FBLN1: variants seen among roughly 807,000 people sequenced by gnomAD.
FBLN1 encodes fibulin 1.
FBLN1 carries 34 observed loss-of-function variants against 89.7 expected under a neutral mutation model. The observed-to-expected ratio is 0.38, with a 90% confidence interval of 0.29 to 0.50. FBLN1 has a LOEUF of 0.50. Ranked by LOEUF, FBLN1 falls within the 20% of genes least tolerant of loss-of-function variation. FBLN1 has a pLI of 0.92. For missense variants in FBLN1, 777 were observed against 988.1 expected (o/e 0.79, Z 2.86); for synonymous variants, 393 against 391.3 (o/e 1.00, Z -0.05).
At chr22:45,596,522 A>G (rs2089187369) in intron 16 of FBLN1, among the ~76,000 whole-genome samples, 1 of 151,580 alleles carries the variant, frequency 6.6e-6, no homozygotes, top group Non-Finnish European at 1.5e-5. Context: ...ATTTAAATAT[A>G]GACATTTAAG....
chr22:45,587,944 T>C (rs1369491834), intron 16 of FBLN1, among the ~76,000 whole-genome samples: 2 of 152,192 alleles, frequency 1.3e-5, no homozygotes, highest in African/African-American at 4.8e-5. Flanking sequence ...ACTCTCCTCA[T>C]ACTCATTCTC....
intron 2 of FBLN1, among the ~76,000 whole-genome samples, chr22:45,522,620 G>A (rs932532366): frequency 5.3e-5 from 8 of 152,226 alleles, no homozygotes; most frequent in Non-Finnish European, 1.0e-4. Flanking sequence ...CGTGTTTGGG[G>A]TGGTCAGAAG....
rs550293552 is a variant in FBLN1, at chr22:45,583,072, C to T, written c.1972+5964C>T. Among the ~76,000 whole-genome samples the T allele has an allele frequency of 5.9e-5, 9 of 152,226 alleles. No individual in the cohort carries two copies. In the South Asian group the frequency reaches 6.2e-4, roughly 11 times the overall value. ...CAAGCACCATATGCTGTTAGATCCT[C>T]GAGCAGCCTTGTGGGACAGCCACCC... On this transcript the variant is annotated intron_variant, in intron 16 of 16. Coordinates refer to ENST00000327858, the MANE Select transcript of FBLN1 (RefSeq NM_006486.3). This position sits in a 1 kb window ranked among gnomAD's most constrained non-coding sequence, Gnocchi z 4.5.
Position 45,576,729 on chromosome 22 carries a change from C to T in FBLN1, c.1841-248C>T, listed in dbSNP as rs922380054. On this transcript the variant is annotated intron_variant, in intron 15 of 16. Transcript: ENST00000327858. The surrounding 1 kb of genome is among the most constrained non-coding windows in gnomAD (Gnocchi z 5.2). ...CTTCCTCTGATTAGCTCTGTGTCCCCGAGGAAGATCCAAAATCTCTCCTGA... is the reference window on the plus strand; with the variant it reads ...CTTCCTCTGATTAGCTCTGTGTCCCTGAGGAAGATCCAAAATCTCTCCTGA... Among the ~76,000 whole-genome samples, 2 of 152,154 alleles carry T rather than the reference C, an allele frequency of 1.3e-5. No individual in the cohort carries two copies. Among genetic ancestry groups the T allele is most frequent in the Non-Finnish European group, 2.9e-5 (2 of 68,022 alleles).
At chr22:45,517,167 T>TTG (rs1426846499) in intron 1 of FBLN1, among the ~76,000 whole-genome samples, 4 of 152,052 alleles carry the variant, frequency 2.6e-5, no homozygotes, top group Non-Finnish European at 5.9e-5. Context: ...GCACCCACAG[T>TTG]TGTGTGTGCG....
intron 1 of FBLN1, among the ~76,000 whole-genome samples, chr22:45,511,843 C>T (rs902368294): frequency 1.3e-5 from 2 of 152,150 alleles, no homozygotes; most frequent in African/African-American, 2.4e-5. Context: ...TAACCCGCAG[C>T]GTTGCCTTCC....
At chr22:45,509,279 G>A (rs948263253) in intron 1 of FBLN1, among the ~76,000 whole-genome samples, 7 of 152,178 alleles carry the variant, frequency 4.6e-5, no homozygotes, top group African/African-American at 1.7e-4. Flanking sequence ...AGTTGCTGCC[G>A]GGGCCAGAGC....
intron 1 of FBLN1, among the ~76,000 whole-genome samples, chr22:45,511,987 C>T (rs2088107796): frequency 6.6e-6 from 1 of 152,134 alleles, no homozygotes; most frequent in South Asian, 2.1e-4. Context: ...ATTGAAACTC[C>T]TCCGAAACAA....
intron 14 of FBLN1, among the ~76,000 whole-genome samples, chr22:45,552,454 A>C (rs1056195376): frequency 1.3e-5 from 2 of 152,210 alleles, no homozygotes; most frequent in African/African-American, 4.8e-5. Flanking sequence ...CCCTCTCAGC[A>C]CTGCTAACCC....
Position 45,503,018 on chromosome 22 carries a change from G to A in FBLN1, c.33G>A (p.Pro11=). Residue 11 remains proline, a synonymous_variant, in exon 1 of 17, where the codon CCG becomes CCA. Transcript: ENST00000327858. ...GCGCCGCGCCGTCGCGCCGGGTCCC[G>A]CTTCCGCTGCTGCTGCTCGGCGGCC... The part of the protein sequence containing the change: MERAAPSRRV[P]LPLLLLGGLA... 8.0e-7 allele frequency: 1 copy of A among 1,245,950 alleles called. No individual in the cohort carries two copies. The highest frequency in any genetic ancestry group is 3.3e-5 in the East Asian group (1 of 30,478). 77.2% of individuals were successfully genotyped at this position (1,245,950 alleles called of 1,614,324 possible). A position where few individuals can be genotyped will look rare whatever the true frequency, so the allele number is the denominator to read the frequency against.
At chr22:45,533,012 A>G (rs1323646836) in intron 5 of FBLN1, 51 bp from the exon 6 acceptor site, 1 of 1,536,116 alleles carries the variant, frequency 6.5e-7, no homozygotes, top group Non-Finnish European at 9.0e-7. Context: ...GCTAGAAACC[A>G]GGCGGTGCCT....
intron 8 of FBLN1, among the ~76,000 whole-genome samples, chr22:45,540,981 A>G (rs1365368648): frequency 6.6e-6 from 1 of 152,244 alleles, no homozygotes; most frequent in Admixed American, 6.5e-5. Context: ...GGCGCAGCGA[A>G]CGATGGAGGT....
In FBLN1 at chr22:45,542,231, C is replaced by A. The variant is rs768960640; in HGVS notation, c.1143C>A (p.Arg381=). ...GCGTGAACTCTCCCGGCAGTTTCCGCTGCGAATGCAAGACGGGTTACTATT... is the reference window on the plus strand; with the variant it reads ...GCGTGAACTCTCCCGGCAGTTTCCGATGCGAATGCAAGACGGGTTACTATT... The part of the protein sequence containing the change: ...HRCVNSPGSF[R]CECKTGYYFD... Residue 381 remains arginine, a synonymous_variant, in exon 10 of 17, where the codon CGC becomes CGA. Coordinates refer to ENST00000327858, the MANE Select transcript of FBLN1 (RefSeq NM_006486.3). 11 of 1,614,070 alleles carry A rather than the reference C, an allele frequency of 6.8e-6. No homozygotes were observed. In the South Asian group the frequency reaches 1.2e-4, roughly 18 times the overall value.
At chr22:45,589,317 G>T (rs2089116000) in intron 16 of FBLN1, among the ~76,000 whole-genome samples, 1 of 151,818 alleles carries the variant, frequency 6.6e-6, no homozygotes, top group Non-Finnish European at 1.5e-5. Flanking sequence ...TTTCCCCAGC[G>T]ACCTTGGGGA....
intron 16 of FBLN1, among the ~76,000 whole-genome samples, chr22:45,582,597 C>A (rs1299406393): frequency 1.3e-5 from 2 of 152,222 alleles, no homozygotes; most frequent in African/African-American, 4.8e-5. Context: ...ACAGCCACAG[C>A]CGCACCTGGT....
chr22:45,513,142 C>T (rs1159568278), intron 1 of FBLN1, among the ~76,000 whole-genome samples: 1 of 152,146 alleles, frequency 6.6e-6, no homozygotes, highest in Non-Finnish European at 1.5e-5. Context: ...ATGAAAACAA[C>T]ATTGATTGAA....
At chr22:45,570,538 GAAC>G (rs1485134970) in intron 14 of FBLN1, among the ~76,000 whole-genome samples, 4 of 152,016 alleles carry the variant, frequency 2.6e-5, no homozygotes, top group South Asian at 4.2e-4. Flanking sequence ...AAGTTGAAAA[GAAC>G]AACAAGTTTT....
chr22:45,576,037 C>T lies in FBLN1; in HGVS notation c.1841-940C>T, dbSNP rs1050880610. 4.6e-5 allele frequency among the ~76,000 whole-genome samples: 7 copies of T among 150,756 alleles called. No individual in the cohort carries two copies. The highest frequency in any genetic ancestry group is 1.9e-4 in the East Asian group (1 of 5,158). On this transcript the variant is annotated intron_variant, in intron 15 of 16. Transcript: ENST00000327858. The surrounding 1 kb of genome is among the most constrained non-coding windows in gnomAD (Gnocchi z 5.2). Reference sequence around the variant, plus strand: ...GTGTTTACACCATGACACAACCATGCGGGGGGGTGGGGGGAGGAGAGGCTC... The same window carrying T: ...GTGTTTACACCATGACACAACCATGTGGGGGGGTGGGGGGAGGAGAGGCTC...
chr22:45,512,725 G>C (rs369162483), intron 1 of FBLN1, among the ~76,000 whole-genome samples: 2 of 152,102 alleles, frequency 1.3e-5, no homozygotes, highest in African/African-American at 4.8e-5. Flanking sequence ...CAGGACACAC[G>C]GGGGAGCTGT....
Sources: allele counts gnomAD v4.1 joint callset (sites outside exome capture counted in the v4.1 genomes callset), GRCh38; gene constraint gnomAD v4.1.1; non-coding constraint Gnocchi (gnomAD v3.1); transcripts MANE v1.5; gene names NCBI Gene and HGNC (gene_info 2026-07-23, HGNC 2026-07-21).